ILDR1: variants seen among roughly 807,000 people sequenced by gnomAD.
ILDR1 encodes immunoglobulin-like domain-containing receptor 1.
In ILDR1, 56 loss-of-function variants were observed where a neutral mutation model predicts 62.4. The ratio of observed to expected loss-of-function variants is 0.90; its 90% confidence interval spans 0.72 to 1.12. The LOEUF (loss-of-function observed/expected upper bound fraction) is 1.12. Among genes scored for constraint, ILDR1 ranks in the 50% most tolerant of loss-of-function variants. The pLI, the probability that ILDR1 is intolerant of heterozygous loss-of-function variation, is 0.00. For synonymous variants in ILDR1, 284 were observed against 277.8 expected, an observed-to-expected ratio of 1.02 and a Z score of -0.22; for missense variants, 736 against 710.6, an observed-to-expected ratio of 1.04 and a Z score of -0.41.
intron 1 of ILDR1, among the ~76,000 whole-genome samples, chr3:122,021,269 G>A (rs928491374): frequency 1.3e-5 from 2 of 152,178 alleles, no homozygotes; most frequent in African/African-American, 2.4e-5. Context: ...AGAGCTGAAA[G>A]AGCCTGCCCA....
the ILDR1 span, among the ~76,000 whole-genome samples, chr3:122,059,448 A>AT: frequency 6.6e-6 from 1 of 151,942 alleles, no homozygotes; most frequent in Non-Finnish European, 1.5e-5. Flanking sequence ...AGGCACGAGA[A>AT]TAGCTTGAAC....
the ILDR1 span, among the ~76,000 whole-genome samples, chr3:122,030,687 G>C: frequency 8.0e-5 from 12 of 150,694 alleles, no homozygotes; most frequent in African/African-American, 2.9e-4. Context: ...GGCTCAGTTT[G>C]ATGTTCAGAG....
chr3:122,047,097 G>A, the ILDR1 span, among the ~76,000 whole-genome samples: 9 of 143,960 alleles, frequency 6.3e-5, no homozygotes, highest in Admixed American at 1.4e-4. Context: ...ATGGGTTTTC[G>A]GTGTGGATGT....
chr3:122,001,786 G>C lies in ILDR1; in HGVS notation c.458C>G (p.Thr153Arg). The stretch of plus-strand genomic sequence containing the variant: ...TACTTCCTTATCGGGGTCTCCTGAT[G>C]TGTCCCCTGGAGCCTCAATGGTGCA... ...YYCTIEAPGD[T>R]SGDPDKEVKL... Residue 153 changes from threonine to arginine, a missense_variant, in exon 4 of 8, where the codon ACA becomes AGA. Thr to Arg is a moderately conservative substitution (Grantham distance 71). Transcript: ENST00000344209. 1.2e-6 allele frequency: 2 copies of C among 1,612,678 alleles called. No individual in the cohort carries two copies. Among genetic ancestry groups the C allele is most frequent in the Non-Finnish European group, 1.7e-6 (2 of 1,179,874 alleles).
At chr3:122,014,894 T>C (rs1576734650) in intron 1 of ILDR1, among the ~76,000 whole-genome samples, 1 of 152,326 alleles carries the variant, frequency 6.6e-6, no homozygotes, top group Non-Finnish European at 1.5e-5. Context: ...TTTCCCAAAG[T>C]CATTCACCCA....
intron 2 of ILDR1, among the ~76,000 whole-genome samples, chr3:122,005,887 G>A (rs913316305): frequency 4.0e-5 from 6 of 151,170 alleles, no homozygotes; most frequent in Non-Finnish European, 5.9e-5. Flanking sequence ...CAACAAGAGC[G>A]AAACTCCATC....
chr3:122,037,020 A>G, the ILDR1 span, among the ~76,000 whole-genome samples: 1 of 152,260 alleles, frequency 6.6e-6, no homozygotes, highest in East Asian at 1.9e-4. Flanking sequence ...GGTGTGCAGA[A>G]GGCAAGAGCT....
In ILDR1 at chr3:122,011,686, C is replaced by T. The variant is rs1359090965; in HGVS notation, c.59-4525G>A. Among the ~76,000 whole-genome samples, 3 of 151,554 alleles carry T rather than the reference C, an allele frequency of 2.0e-5. No individual in the cohort carries two copies. The East Asian group carries it at 5.8e-4, about 29-fold the overall frequency. ...TCTCTCTCTCTCTCTTTCACACACA[C>T]ACACACACACGGGAAGAGTCCCAGG... On this transcript the variant is annotated intron_variant, in intron 1 of 7. Transcript: ENST00000344209.
chr3:122,004,961 G>C (rs185735224), intron 3 of ILDR1, among the ~76,000 whole-genome samples: 139 of 152,266 alleles, frequency 9.1e-4, no homozygotes, highest in African/African-American at 3.1e-3. Context: ...ACTTAGCCCT[G>C]AATCTCAGGA....
At position 121,993,203 on chromosome 3, in the gene ILDR1, C is replaced by A. The variant is rs763291150; in HGVS notation, c.1546G>T (p.Asp516Tyr). ...CTGCTATTCTTGCCTGGAGTGATAT[C>A]AAGTGAGCGGTAGCTAGGCGGCTTC... is the stretch of plus-strand genomic sequence containing the variant. ...EEKPPSYRSL[D>Y]ITPGKNSRKK... is the part of the protein sequence containing the mutation. Residue 516 changes from aspartate (D) to tyrosine (Y), a missense_variant, in exon 7 of 8, where the codon GAT becomes TAT. Physicochemically the swap from Asp to Tyr is radical, Grantham distance 160. Transcript: ENST00000344209. 1 of 1,613,710 alleles carries A rather than the reference C, an allele frequency of 6.2e-7. No individual in the cohort carries two copies. The highest frequency in any genetic ancestry group is 8.5e-7 in the Non-Finnish European group (1 of 1,179,858).
At chr3:122,026,991 T>G (rs2071927576), upstream of ILDR1, among the ~76,000 whole-genome samples, 2 of 152,266 alleles carry the variant, frequency 1.3e-5, no homozygotes, top group East Asian at 3.9e-4. Context: ...CACTGACATT[T>G]GAATATACCA....
chr3:122,022,215 G>C lies in ILDR1; in HGVS notation c.-138C>G, dbSNP rs2071869278. ...CCTCCCTCGGCGCAGCGGGGAGGGAGCGTCCGCTCTGGTCCCGGGGCAGGT... is the reference window on the plus strand; with the variant it reads ...CCTCCCTCGGCGCAGCGGGGAGGGACCGTCCGCTCTGGTCCCGGGGCAGGT... On this transcript the variant is annotated 5_prime_UTR_variant, in exon 1 of 8. Coordinates refer to ENST00000344209, the MANE Select transcript of ILDR1 (RefSeq NM_001199799.2). 1 of 740,398 alleles carries C rather than the reference G, an allele frequency of 1.4e-6. No individual in the cohort carries two copies. The highest frequency in any genetic ancestry group is 2.2e-6 in the Non-Finnish European group (1 of 463,068). 45.9% of individuals were successfully genotyped at this position (740,398 alleles called of 1,614,324 possible).
Position 122,022,024 on chromosome 3 carries a change from T to C in ILDR1, c.54A>G (p.Pro18=), listed in dbSNP as rs1421683329. Residue 18 remains proline, a synonymous_variant, in exon 1 of 8, where the codon CCA becomes CCG. Coordinates refer to ENST00000344209, the MANE Select transcript of ILDR1 (RefSeq NM_001199799.2). The stretch of plus-strand genomic sequence containing the variant: ...TACCATTTTTCCAAGGCTCACCTGC[T>C]GGGAGCCAGGTGCAGAGCAGCAGCC... ...APWLLLCTWL[P]AGCLSLLVTV... 10 of 1,610,964 alleles carry C rather than the reference T, an allele frequency of 6.2e-6. No homozygotes were observed. The highest frequency in any genetic ancestry group is 3.3e-5 in the Admixed American group (2 of 59,760).
chr3:122,006,100 C>T (rs578144642), intron 2 of ILDR1, among the ~76,000 whole-genome samples: 110 of 152,072 alleles, frequency 7.2e-4, no homozygotes, highest in African/African-American at 2.5e-3. Flanking sequence ...CTTTTGGGGA[C>T]AATGGCAGAC....
chr3:121,992,043 G>A (rs2071356393), intron 7 of ILDR1, among the ~76,000 whole-genome samples: 1 of 152,188 alleles, frequency 6.6e-6, no homozygotes, highest in Non-Finnish European at 1.5e-5. Flanking sequence ...CCTGTAAGTT[G>A]GCTCTGAGGC....
chr3:122,061,033 G>C, the ILDR1 span, among the ~76,000 whole-genome samples: 3 of 152,176 alleles, frequency 2.0e-5, no homozygotes, highest in Non-Finnish European at 2.9e-5. Flanking sequence ...AATATGATAA[G>C]CCAAACAACC....
At chr3:122,056,367 G>T in the ILDR1 span, among the ~76,000 whole-genome samples, 1 of 152,026 alleles carries the variant, frequency 6.6e-6, no homozygotes, top group African/African-American at 2.4e-5. Flanking sequence ...ACAGAGTCTC[G>T]CTCTGTCGCC....
intron 2 of ILDR1, among the ~76,000 whole-genome samples, chr3:122,006,053 A>G (rs2071605679): frequency 6.6e-6 from 1 of 152,206 alleles, no homozygotes; most frequent in Non-Finnish European, 1.5e-5. Context: ...TTTTAAGAGT[A>G]ACCCCCAGGA....
At chr3:122,006,866 G>C in intron 2 of ILDR1, 125 bp downstream of exon 2, 1 of 995,380 alleles carries the variant, frequency 1.0e-6, no homozygotes, top group Non-Finnish European at 1.5e-6. Flanking sequence ...AACTACATTA[G>C]GTGATCTTTG....
Sources: allele counts gnomAD v4.1 joint callset (sites outside exome capture counted in the v4.1 genomes callset), GRCh38; gene constraint gnomAD v4.1.1; transcripts MANE v1.5; gene names NCBI Gene and HGNC (gene_info 2026-07-23, HGNC 2026-07-21).